AP3D1: variants seen among roughly 807,000 people sequenced by gnomAD.
AP3D1 encodes the protein adaptor related protein complex 3 subunit delta 1, also known as AP-3 complex subunit delta-1.
In AP3D1, 51 loss-of-function variants were observed where a neutral mutation model predicts 147.6. The observed-to-expected ratio is 0.35, with a 90% confidence interval of 0.28 to 0.44. The LOEUF (loss-of-function observed/expected upper bound fraction) is 0.44. Ranked by LOEUF, AP3D1 falls within the 20% of genes least tolerant of loss-of-function variation. The pLI, the probability that AP3D1 is intolerant of heterozygous loss-of-function variation, is 1.00. For missense variants in AP3D1, 1,421 were observed against 1,624.2 expected (o/e 0.87, Z 2.15); for synonymous variants, 760 against 663.0 (o/e 1.15, Z -2.25).
chr19:2,158,302 C>A (rs1257138201), intron 1 of AP3D1, among the ~76,000 whole-genome samples: 1 of 151,796 alleles, frequency 6.6e-6, no homozygotes, highest in Non-Finnish European at 1.5e-5. Context: ...GTGATCCGCC[C>A]ACCTCGGCCT....
chr19:2,123,443 C>T, intron 10 of AP3D1, 37 bp from the exon 11 acceptor site: 1 of 1,610,542 alleles, frequency 6.2e-7, no homozygotes, highest in Non-Finnish European at 8.5e-7. Context: ...GTTACATCCT[C>T]TAAACCAAGG....
chr19:2,139,693 G>A (rs987462351), intron 1 of AP3D1, among the ~76,000 whole-genome samples: 1 of 139,516 alleles, frequency 7.2e-6, no homozygotes, highest in Non-Finnish European at 1.7e-5. Flanking sequence ...TAATGCACAG[G>A]AGCCCCTCTC....
At position 2,138,730 on chromosome 19, in the gene AP3D1, AAC is replaced by A. The variant is rs1416534034; in HGVS notation, c.97-18_97-17del. 1.3e-6 allele frequency: 2 copies of A among 1,566,388 alleles called. No homozygotes were observed. The highest frequency in any genetic ancestry group is 1.8e-6 in the Non-Finnish European group (2 of 1,139,480). ...TGTATTTTGCCTATAATGGGGGATAAACACAGAGATTACAAACATCCAGCTAA... is the reference window on the plus strand; with the variant it reads ...TGTATTTTGCCTATAATGGGGGATAAACAGAGATTACAAACATCCAGCTAA... On this transcript the variant is annotated splice_polypyrimidine_tract_variant and intron_variant, in intron 1 of 31. Coordinates refer to ENST00000643116, the MANE Select transcript of AP3D1 (RefSeq NM_001261826.3).
chr19:2,116,788 A>G (rs940087659), intron 16 of AP3D1, 42 bp from the exon 17 acceptor site: 17 of 1,558,100 alleles, frequency 1.1e-5, no homozygotes, highest in Non-Finnish European at 1.5e-5. Flanking sequence ...TGTGTGACCG[A>G]GCACGCGCCT....
Position 2,116,677 on chromosome 19 carries a change from G to A in AP3D1, c.1929C>T (p.Ala643=), listed in dbSNP as rs199935661. ...GCCGCTGCTCCTCCTCGTGGAAGAC[G>A]GCCCTGGGCCTCTCGTCCTCTGACT... ...DSESEDERPR[A]VFHEEEQRRP... is the part of the protein sequence containing the mutation. Residue 643 remains alanine, a synonymous_variant, in exon 17 of 32, where the codon GCC becomes GCT. Coordinates refer to ENST00000643116, the MANE Select transcript of AP3D1 (RefSeq NM_001261826.3). 7.8e-5 allele frequency: 125 copies of A among 1,608,980 alleles called. No homozygotes were observed. In the African/African-American group the frequency reaches 1.1e-3, roughly 15 times the overall value.
rs775943117 is a variant in AP3D1, at chr19:2,114,211, T to C, written c.2515A>G (p.Lys839Glu). 1 of 1,613,204 alleles carries C rather than the reference T, an allele frequency of 6.2e-7. No homozygotes were observed. Among genetic ancestry groups the C allele is most frequent in the Non-Finnish European group, 8.5e-7 (1 of 1,179,630 alleles). Residue 839 changes from lysine (K) to glutamate (E), a missense_variant, in exon 22 of 32, where the codon AAG (lysine) becomes GAG (glutamate). Around this residue, in one of 6 missense-constraint regions of AP3D1, gnomAD observed 791 missense variants for 761.4 expected, o/e 1.04. Transcript: ENST00000643116. ...SPEKDVPMVE[K>E]KSKKPKKKEK... ...TTCTTCTTGGGTTTCTTGCTCTTCT[T>C]TTCTACCATGGGAACGTCCTTCTCA...
intron 31 of AP3D1, among the ~76,000 whole-genome samples, chr19:2,107,791 A>G (rs1204456573): frequency 6.7e-6 from 1 of 148,922 alleles, no homozygotes; most frequent in African/African-American, 2.4e-5. Flanking sequence ...CAGGAGAACC[A>G]GGAAAAAAGA....
Position 2,151,347 on chromosome 19 carries a change from C to G in AP3D1, c.-13G>C, listed in dbSNP as rs777598504. 1 of 1,550,214 alleles carries G rather than the reference C, an allele frequency of 6.5e-7. No homozygotes were observed. Among genetic ancestry groups the G allele is most frequent in the Non-Finnish European group, 8.7e-7 (1 of 1,145,206 alleles). Reference sequence around the variant, plus strand: ...TCTTGAGGGCCATCGCGGCGGCCCACGGGCTTTTGCCTCGGGAGGCCCGCG... The same window carrying G: ...TCTTGAGGGCCATCGCGGCGGCCCAGGGGCTTTTGCCTCGGGAGGCCCGCG... On this transcript the variant is annotated 5_prime_UTR_variant, in exon 1 of 32. Coordinates refer to ENST00000643116, the MANE Select transcript of AP3D1 (RefSeq NM_001261826.3).
chr19:2,154,730 A>G (rs1426871836), upstream of AP3D1, among the ~76,000 whole-genome samples: 1 of 152,256 alleles, frequency 6.6e-6, no homozygotes, highest in Non-Finnish European at 1.5e-5. Context: ...CATACCCTGG[A>G]GGAAGAAAAG....
intron 1 of AP3D1, among the ~76,000 whole-genome samples, chr19:2,159,938 G>T (rs955504992): frequency 6.6e-6 from 1 of 151,984 alleles, no homozygotes; most frequent in Non-Finnish European, 1.5e-5. Context: ...GAATGGTCTC[G>T]ATCTCCTGAC....
chr19:2,112,150 G>A, intron 24 of AP3D1: 1 of 410,208 alleles, frequency 2.4e-6, no homozygotes, highest in Non-Finnish European at 4.5e-6. Context: ...GCACATCCGA[G>A]AGGGAACACA....
At chr19:2,136,922 GCCCACA>G in intron 4 of AP3D1, 83 bp downstream of exon 4, 2 of 1,243,972 alleles carry the variant, frequency 1.6e-6, no homozygotes, top group Non-Finnish European at 2.3e-6. Context: ...GGCACCTGCT[GCCCACA>G]GGAAGACGCG....
At chr19:2,127,917 C>T (rs558177376) in intron 8 of AP3D1, among the ~76,000 whole-genome samples, 17 of 152,332 alleles carry the variant, frequency 1.1e-4, no homozygotes, top group African/African-American at 3.6e-4. Flanking sequence ...AGCGTAGGGC[C>T]GCAGCCAGGA....
intron 29 of AP3D1, chr19:2,109,603 G>A: frequency 1.9e-6 from 1 of 520,030 alleles, no homozygotes; most frequent in Non-Finnish European, 3.5e-6. Flanking sequence ...AGCCTGCCCT[G>A]CTGGCTCCTT....
rs2145030878 is a variant in AP3D1, at chr19:2,113,375, C to T, written c.2640G>A (p.Pro880=). 1.1e-5 allele frequency: 10 copies of T among 919,276 alleles called. No individual in the cohort carries two copies. The highest frequency in any genetic ancestry group is 8.5e-5 in the East Asian group (2 of 23,424). The allele number at this position is 919,276 out of a possible 1,614,324, so 56.9% of individuals were successfully genotyped here. Residue 880 remains proline, a synonymous_variant, in exon 23 of 32, where the codon CCG becomes CCA. Coordinates refer to ENST00000643116, the MANE Select transcript of AP3D1 (RefSeq NM_001261826.3). The part of the protein sequence containing the change: ...DLDFWLSTTP[P]PAPAPAPAPV... ...GGGCGGGGGCGGGGGCGGGGGCAGG[C>T]GGTGGGGTGGTAGACAGCCAGAAGT...
intron 1 of AP3D1, among the ~76,000 whole-genome samples, chr19:2,159,441 T>C (rs909795863): frequency 2.6e-5 from 4 of 151,088 alleles, no homozygotes; most frequent in Admixed American, 2.0e-4. Flanking sequence ...CAGGCTGGAG[T>C]GCGGTGGCGC....
intron 21 of AP3D1, among the ~76,000 whole-genome samples, 171 bp downstream of exon 21, chr19:2,114,577 G>A (rs536949675): frequency 2.8e-4 from 43 of 152,204 alleles, no homozygotes; most frequent in Non-Finnish European, 6.0e-4. Flanking sequence ...TCTTGGTTGG[G>A]AGGGCCAGCC....
intron 8 of AP3D1, among the ~76,000 whole-genome samples, chr19:2,127,438 C>T (rs574735448): frequency 6.6e-6 from 1 of 152,350 alleles, no homozygotes; most frequent in South Asian, 2.1e-4. Context: ...TGACAGCATC[C>T]ACGCAGGGAC....
chr19:2,129,436 T>C lies in AP3D1; in HGVS notation c.614A>G (p.Asn205Ser), dbSNP rs753212898. 17 of 1,613,808 alleles carry C rather than the reference T, an allele frequency of 1.1e-5. No homozygotes were observed. Among genetic ancestry groups the C allele is most frequent in the South Asian group, 5.5e-5 (5 of 91,090 alleles). Residue 205 changes from asparagine to serine, a missense_variant, in exon 7 of 32, where the codon AAT becomes AGT. Asn to Ser is a conservative substitution (Grantham distance 46, BLOSUM62 1). This residue lies in a region of AP3D1 where 292 missense variants were observed against 412.0 expected (regional missense o/e 0.71). Coordinates refer to ENST00000643116, the MANE Select transcript of AP3D1 (RefSeq NM_001261826.3). ...GCGTCTGGCCAGCTCGCAGATGACA[T>C]TGACGGCAGCCGACTGAACCCCTGG... ...PDPGVQSAAV[N>S]VICELARRNP... is the part of the protein sequence containing the mutation.
Sources: gnomAD v4.1 joint callset for allele counts (sites outside exome capture counted in the v4.1 genomes callset) on GRCh38, gnomAD v4.1.1 for gene constraint, gnomAD v4.1.1 regional missense constraint, MANE v1.5 for transcripts, NCBI Gene and HGNC (gene_info 2026-07-23, HGNC 2026-07-21) for gene names.